The following ENTPD3 variants were observed in gnomAD, a reference collection of about 807,000 sequenced individuals.
ENTPD3 encodes ectonucleoside triphosphate diphosphohydrolase 3, also known as CD39 antigen-like 3.
A neutral mutation model predicts 51.2 loss-of-function variants in ENTPD3; 60 were observed. That is an observed-to-expected ratio of 1.17 (90% CI 0.95 to 1.45). The LOEUF is 1.45. ENTPD3 is among the 40% of genes most tolerant of loss of function. ENTPD3 has a pLI of 0.00. For missense variants in ENTPD3, 593 were observed against 641.1 expected, an observed-to-expected ratio of 0.93 and a Z score of 0.81; for synonymous variants, 221 against 238.4, an observed-to-expected ratio of 0.93 and a Z score of 0.67.
chr3:40,422,917 T>G lies in ENTPD3; in HGVS notation c.899T>G (p.Met300Arg), dbSNP rs945420204. 17 of 1,613,930 alleles carry G rather than the reference T, an allele frequency of 1.1e-5. No individual in the cohort carries two copies. The African/African-American group carries it at 1.2e-4, about 11-fold the overall frequency. The change falls in exon 8 of 11, where the codon ATG (methionine) becomes AGG (arginine). Residue 300 changes from methionine (M) to arginine (R), a missense_variant. Met to Arg is a moderately conservative substitution (Grantham distance 91). Coordinates refer to ENST00000301825, the MANE Select transcript of ENTPD3 (RefSeq NM_001248.4). ...CGGGATTATAGCATCAGCTTCACCA[T>G]GGGCCATGTATTTGATAGCCTGTGC... ...YPRDYSISFT[M>R]GHVFDSLCTV...
intron 5 of ENTPD3, 85 bp downstream of exon 5, chr3:40,412,047 C>A: frequency 7.6e-7 from 1 of 1,320,622 alleles, no homozygotes; most frequent in Non-Finnish European, 9.9e-7. Flanking sequence ...AACTCTATTT[C>A]TGGGAACAAC....
chr3:40,396,393 C>T (rs1465588270), intron 3 of ENTPD3, among the ~76,000 whole-genome samples: 1 of 152,066 alleles, frequency 6.6e-6, no homozygotes, highest in Non-Finnish European at 1.5e-5. Flanking sequence ...ATACCATGAG[C>T]CCTGTTTTGC....
At chr3:40,394,805 A>G (rs1274084522) in intron 3 of ENTPD3, among the ~76,000 whole-genome samples, 1 of 152,186 alleles carries the variant, frequency 6.6e-6, no homozygotes, top group East Asian at 1.9e-4. Context: ...GAAGGAGAGG[A>G]GTTAAGCCTA....
chr3:40,395,258 G>A (rs1447000150), intron 3 of ENTPD3, among the ~76,000 whole-genome samples: 1 of 152,188 alleles, frequency 6.6e-6, no homozygotes, highest in Non-Finnish European at 1.5e-5. Context: ...TACTTGTTCT[G>A]GACAGTAACA....
rs762120820 is a variant in ENTPD3, at chr3:40,422,994, G to T, written c.976G>T (p.Glu326Ter). The T allele has an allele frequency of 1.9e-6, 3 of 1,614,098 alleles. No homozygotes were observed. The Admixed American group carries it at 5.0e-5, about 27-fold the overall frequency. The change falls in exon 8 of 11, where the codon GAA becomes TAA. Residue 326 changes from glutamate to a stop codon, truncating the protein, a stop_gained. Transcript: ENST00000301825. LOFTEE classifies it high-confidence loss of function. Reference sequence around the variant, plus strand: ...TAACCCCAATGATGTCATCACTTTTGAAGGAACTGGGGACCCATCTCTGTG... The same window carrying T: ...TAACCCCAATGATGTCATCACTTTTTAAGGAACTGGGGACCCATCTCTGTG... ...SYNPNDVITF[E>*]GTGDPSLCKE...
At chr3:40,420,312 T>C (rs766904740) in intron 7 of ENTPD3, among the ~76,000 whole-genome samples, 2 of 151,144 alleles carry the variant, frequency 1.3e-5, no homozygotes, top group African/African-American at 2.4e-5. Context: ...CTTGGCTCAC[T>C]GCAAGCTCTG....
chr3:40,401,078 C>A, intron 4 of ENTPD3, 67 bp downstream of exon 4: 2 of 1,179,786 alleles, frequency 1.7e-6, no homozygotes, highest in Non-Finnish European at 2.5e-6. Context: ...GTTTTGGAGG[C>A]CTGGAGAGGT....
In ENTPD3 at chr3:40,426,107, C is replaced by CTTTTT. The variant is rs35267876; in HGVS notation, c.1354-1150_1354-1146dup. Among the ~76,000 whole-genome samples, 309 of 112,384 alleles carry CTTTTT rather than the reference C, an allele frequency of 2.7e-3. 2 individuals are homozygous for CTTTTT. Among genetic ancestry groups the CTTTTT allele is most frequent in the Middle Eastern group, 0.014 (2 of 144 alleles). 73.7% of individuals were successfully genotyped at this position (112,384 alleles called of 152,430 possible). A position where few individuals can be genotyped will look rare whatever the true frequency, so the allele number is the denominator to read the frequency against. On this transcript the variant is annotated intron_variant, in intron 10 of 10. Transcript: ENST00000301825. The stretch of plus-strand genomic sequence containing the variant: ...AGAGATATCTTTTTCTTTTTCTTTT[C>CTTTTT]TTTTTTTTTTTTTTTTTTTGAGACG...
intron 7 of ENTPD3, among the ~76,000 whole-genome samples, chr3:40,417,444 C>T (rs958557898): frequency 4.6e-5 from 7 of 152,012 alleles, no homozygotes; most frequent in African/African-American, 1.2e-4. Context: ...CGGAAGGTGC[C>T]ATACAATTTT....
chr3:40,408,659 G>T (rs753318186), intron 4 of ENTPD3, among the ~76,000 whole-genome samples: 2 of 152,190 alleles, frequency 1.3e-5, no homozygotes. Flanking sequence ...TTTACTGAGA[G>T]AATTGTGTGT....
chr3:40,392,946 T>C (rs1955099425), intron 3 of ENTPD3, among the ~76,000 whole-genome samples: 1 of 151,494 alleles, frequency 6.6e-6, no homozygotes, highest in Non-Finnish European at 1.5e-5. Context: ...CTAGAACATG[T>C]GCTGTGTTCC....
intron 9 of ENTPD3, 28 bp from the exon 10 acceptor site, chr3:40,423,798 T>G (rs770879539): frequency 6.2e-7 from 1 of 1,610,628 alleles, no homozygotes; most frequent in South Asian, 1.1e-5. Flanking sequence ...CTGCCTGCCC[T>G]GCCTCTCAGA....
Position 40,427,717 on chromosome 3 carries a change from C to T in ENTPD3, c.*209C>T, listed in dbSNP as rs1956011785. On this transcript the variant is annotated 3_prime_UTR_variant, in exon 11 of 11. Transcript: ENST00000301825. ...TGCATATTGTTCTTCAGAGACCTCACTACCCACATGCTGATCTATTGGGGA... is the reference window on the plus strand; with the variant it reads ...TGCATATTGTTCTTCAGAGACCTCATTACCCACATGCTGATCTATTGGGGA... 3.5e-6 allele frequency: 2 copies of T among 576,828 alleles called. No homozygotes were observed. Among genetic ancestry groups the T allele is most frequent in the South Asian group, 2.0e-5 (1 of 49,314 alleles). The allele number at this position is 576,828 out of a possible 1,614,324, so 35.7% of individuals were successfully genotyped here.
chr3:40,420,166 G>C (rs1159686512), intron 7 of ENTPD3, among the ~76,000 whole-genome samples: 1 of 151,812 alleles, frequency 6.6e-6, no homozygotes, highest in African/African-American at 2.4e-5. Flanking sequence ...AAGAAAAAAA[G>C]TACAAATCAG....
chr3:40,387,296 G>A (rs1415675127), intron 1 of ENTPD3, 35 bp downstream of exon 1: 1 of 152,530 alleles, frequency 6.6e-6, no homozygotes, highest in African/African-American at 2.4e-5. Context: ...GAGCTGCCGA[G>A]GAAGGAGTCG....
chr3:40,387,393 T>C (rs1035212120), intron 1 of ENTPD3, 132 bp downstream of exon 1: 4 of 152,340 alleles, frequency 2.6e-5, no homozygotes, highest in African/African-American at 9.7e-5. Context: ...TGAAACACGG[T>C]AGCCCCAAAT....
chr3:40,415,738 C>G (rs1245192717), intron 6 of ENTPD3, 102 bp from the exon 7 acceptor site: 2 of 840,644 alleles, frequency 2.4e-6, no homozygotes, highest in Non-Finnish European at 3.9e-6. Flanking sequence ...CTCCCTCTGT[C>G]CTACTTCTTA....
intron 7 of ENTPD3, among the ~76,000 whole-genome samples, chr3:40,419,867 G>A (rs1003429077): frequency 2.0e-5 from 3 of 152,060 alleles, no homozygotes; most frequent in African/African-American, 4.8e-5. Context: ...TCTCCCTCGA[G>A]CCCATTGACT....
In ENTPD3 at chr3:40,421,816, G is replaced by A. The variant is rs570219340; in HGVS notation, c.832-1034G>A. On this transcript the variant is annotated intron_variant, in intron 7 of 10. Transcript: ENST00000301825. The stretch of plus-strand genomic sequence containing the variant: ...TATGGCTTTAAAAAAAGAAAAGCAT[G>A]GGAGAAAATATATATATTTGCATGT... 2.5e-3 allele frequency among the ~76,000 whole-genome samples: 380 copies of A among 152,184 alleles called. 1 individual carries two copies. The highest frequency in any genetic ancestry group is 4.1e-3 in the Non-Finnish European group (276 of 67,996).
Sources: gnomAD v4.1 joint callset for allele counts (sites outside exome capture counted in the v4.1 genomes callset) on GRCh38, gnomAD v4.1.1 for gene constraint, MANE v1.5 for transcripts, NCBI Gene and HGNC (gene_info 2026-07-23, HGNC 2026-07-21) for gene names.